Variants in ASAH2 observed in about 807,000 individuals in gnomAD.
The protein encoded by ASAH2 is neutral ceramidase.
A neutral mutation model predicts 82.9 loss-of-function variants in ASAH2; 58 were observed. The ratio of observed to expected loss-of-function variants is 0.70; its 90% confidence interval spans 0.57 to 0.87. The LOEUF is 0.87. Among genes scored for constraint, ASAH2 ranks in the 40% least tolerant of loss-of-function variants. ASAH2 has a pLI of 0.00. For missense variants in ASAH2, 779 were observed against 834.0 expected (o/e 0.93, Z 0.81); for synonymous variants, 276 against 289.7 (o/e 0.95, Z 0.48).
intron 7 of ASAH2, among the ~76,000 whole-genome samples, chr10:50,225,667 T>A (rs1184253030): frequency 6.6e-6 from 1 of 151,976 alleles, no homozygotes; most frequent in Non-Finnish European, 1.5e-5. Context: ...AATGGGAGAG[T>A]AAACCAACAA....
chr10:50,206,166 AAT>A, intron 12 of ASAH2, 69 bp from the exon 13 acceptor site: 1 of 1,041,120 alleles, frequency 9.6e-7, no homozygotes, highest in South Asian at 1.3e-5. Flanking sequence ...TATCTTGACA[AAT>A]ATTGTACAAT....
intron 8 of ASAH2, among the ~76,000 whole-genome samples, chr10:50,217,229 CTTTT>C (rs878958733): frequency 7.3e-6 from 1 of 136,896 alleles, no homozygotes. Context: ...TGTTTTCTTT[CTTTT>C]TTTTTTTTTT....
At chr10:50,243,896 C>T (rs1340497490) in intron 3 of ASAH2, among the ~76,000 whole-genome samples, 1 of 152,164 alleles carries the variant, frequency 6.6e-6, no homozygotes, top group Non-Finnish European at 1.5e-5. Context: ...GGTACCTCGC[C>T]CTGGCTTTTA....
chr10:50,202,698 A>C (rs1845184092), intron 16 of ASAH2, 131 bp downstream of exon 16: 1 of 732,360 alleles, frequency 1.4e-6, no homozygotes, highest in Non-Finnish European at 2.5e-6. Context: ...TCATCCTCTT[A>C]CCTGTTATAC....
intron 7 of ASAH2, among the ~76,000 whole-genome samples, chr10:50,219,896 T>C (rs1845698415): frequency 6.6e-6 from 1 of 152,188 alleles, no homozygotes; most frequent in African/African-American, 2.4e-5. Context: ...TCTACTCAGC[T>C]CCAGCCAAGT....
At chr10:50,205,212 T>G (rs1348434773) in intron 13 of ASAH2, among the ~76,000 whole-genome samples, 3 of 152,104 alleles carry the variant, frequency 2.0e-5, no homozygotes, top group Non-Finnish European at 4.4e-5. Context: ...AACATTTTCC[T>G]AGAGTACTGT....
At chr10:50,221,698 G>GGATAGATA (rs199560545) in intron 7 of ASAH2, among the ~76,000 whole-genome samples, 5,869 of 147,298 alleles carry the variant, frequency 0.04, 137 homozygotes, top group South Asian at 0.053. Flanking sequence ...ATAGATGGAT[G>GGATAGATA]GATAGATAGA....
chr10:50,210,953 T>G, intron 11 of ASAH2, 49 bp from the exon 12 acceptor site: 1 of 1,605,066 alleles, frequency 6.2e-7, no homozygotes, highest in Non-Finnish European at 8.5e-7. Flanking sequence ...AGACAAAAGT[T>G]AAACTGAAAG....
chr10:50,200,942 T>C (rs966427711), intron 16 of ASAH2, among the ~76,000 whole-genome samples: 1 of 152,086 alleles, frequency 6.6e-6, no homozygotes. Context: ...CTGTTTTGCC[T>C]TTTTGTTCAC....
At chr10:50,248,864 A>G (rs1229222239) in intron 1 of ASAH2, among the ~76,000 whole-genome samples, 1 of 152,148 alleles carries the variant, frequency 6.6e-6, no homozygotes, top group Non-Finnish European at 1.5e-5. Flanking sequence ...TCTCAACACA[A>G]CACTCCTCCT....
At chr10:50,194,708 A>G (rs1489506657) in intron 18 of ASAH2, among the ~76,000 whole-genome samples, 5 of 151,168 alleles carry the variant, frequency 3.3e-5, no homozygotes, top group African/African-American at 1.2e-4. Context: ...GCCTAAAGTA[A>G]TCAACACACC....
At chr10:50,200,360 C>CTA (rs1430062275) in intron 16 of ASAH2, among the ~76,000 whole-genome samples, 23 of 151,064 alleles carry the variant, frequency 1.5e-4, no homozygotes, top group African/African-American at 4.9e-4. Flanking sequence ...CATCTCCTTA[C>CTA]CATCACCCTC....
chr10:50,228,647 C>T (rs1176939623), intron 7 of ASAH2, among the ~76,000 whole-genome samples: 2 of 152,026 alleles, frequency 1.3e-5, no homozygotes, highest in East Asian at 1.9e-4. Context: ...CAAATCACTG[C>T]CCCTGTCATC....
At chr10:50,243,909 A>G (rs1286890672) in intron 3 of ASAH2, among the ~76,000 whole-genome samples, 3 of 152,192 alleles carry the variant, frequency 2.0e-5, no homozygotes, top group African/African-American at 7.2e-5. Context: ...GGCTTTTACC[A>G]TAGTATCATT....
chr10:50,194,791 T>G (rs1270547258), intron 18 of ASAH2, among the ~76,000 whole-genome samples: 4 of 151,576 alleles, frequency 2.6e-5, no homozygotes, highest in Admixed American at 2.6e-4. Context: ...TTGACAAAGG[T>G]GCCAAGAACG....
chr10:50,199,239 T>C (rs1845077839), intron 16 of ASAH2, 93 bp from the exon 17 acceptor site: 8 of 1,238,294 alleles, frequency 6.5e-6, no homozygotes, highest in Non-Finnish European at 9.5e-6. Flanking sequence ...ATGCTTGACA[T>C]CTCACATTAT....
intron 17 of ASAH2, among the ~76,000 whole-genome samples, chr10:50,198,082 A>G (rs1038613173): frequency 4.6e-5 from 7 of 152,136 alleles, no homozygotes; most frequent in Non-Finnish European, 8.8e-5. Flanking sequence ...ATCAGTAACT[A>G]ATAATACAGG....
chr10:50,243,830 A>G (rs1299574922), intron 3 of ASAH2, among the ~76,000 whole-genome samples: 1 of 152,168 alleles, frequency 6.6e-6, no homozygotes, highest in African/African-American at 2.4e-5. Context: ...TGTTTAGTGT[A>G]TGATTTTGTT....
rs1001486506 is a variant in ASAH2, at chr10:50,204,006, T to C, written c.1626-327A>G. ...CTATGTTTATAAAAGCTGAGGTAGG[T>C]AGAAAATACATTACTGTATAAGTGT... On this transcript the variant is annotated intron_variant, in intron 14 of 20. Coordinates refer to ENST00000682911, the MANE Select transcript of ASAH2 (RefSeq NM_019893.4). Among the ~76,000 whole-genome samples, 1,206 of 151,938 alleles carry C rather than the reference T, an allele frequency of 7.9e-3. 7 individuals carry two copies. The highest frequency in any genetic ancestry group is 0.012 in the Non-Finnish European group (831 of 67,904).
Sources: gnomAD v4.1 joint callset for allele counts (sites outside exome capture counted in the v4.1 genomes callset) on GRCh38, gnomAD v4.1.1 for gene constraint, MANE v1.5 for transcripts, NCBI Gene and HGNC (gene_info 2026-07-23, HGNC 2026-07-21) for gene names.